Variants in DOCK4 observed in about 807,000 individuals in gnomAD.
DOCK4 encodes the protein dedicator of cytokinesis protein 4.
Under a neutral mutation model 268.1 loss-of-function variants are expected in DOCK4, and 97 were observed. The ratio of observed to expected loss-of-function variants is 0.36; its 90% CI spans 0.31 to 0.43. The LOEUF (loss-of-function observed/expected upper bound fraction) is 0.43, where lower values mean the gene tolerates loss of function less well. Among genes scored for constraint, DOCK4 ranks in the 20% least tolerant of loss-of-function variants. The pLI is 1.00. For missense variants in DOCK4, 2,145 were observed against 2,455.7 expected (o/e 0.87, Z 2.67); for synonymous variants, 954 against 887.2 (o/e 1.08, Z -1.34).
chr7:111,976,269 TTATATATATATA>T (rs60146972), intron 8 of DOCK4, among the ~76,000 whole-genome samples: 455 of 33,100 alleles, frequency 0.014, 10 homozygotes, highest in African/African-American at 0.039. Context: ...TGTGTGTCTA[TTATATATATATA>T]TATATATATA....
chr7:111,906,940 G>A (rs543973199), intron 13 of DOCK4, among the ~76,000 whole-genome samples: 2 of 152,210 alleles, frequency 1.3e-5, no homozygotes, highest in East Asian at 1.9e-4. Context: ...ACTGTAACAC[G>A]GTAAATGTAT....
At chr7:112,010,861 G>T (rs1212196129) in intron 1 of DOCK4, among the ~76,000 whole-genome samples, 1 of 152,174 alleles carries the variant, frequency 6.6e-6, no homozygotes, top group African/African-American at 2.4e-5. Flanking sequence ...ATATATTGCT[G>T]CCTTTGACTG....
At chr7:112,023,468 C>T (rs1379527927) in intron 1 of DOCK4, 4 of 338,700 alleles carry the variant, frequency 1.2e-5, no homozygotes, top group South Asian at 9.8e-5. Context: ...AGTTACACTT[C>T]CCATTATAAA....
At chr7:111,837,942 C>T (rs1354696201) in intron 25 of DOCK4, among the ~76,000 whole-genome samples, 7 of 151,550 alleles carry the variant, frequency 4.6e-5, no homozygotes, top group South Asian at 2.1e-4. Flanking sequence ...CAAAATTAGC[C>T]GGGTGTAGTG....
chr7:112,006,734 T>A lies in DOCK4; in HGVS notation c.38-2603A>T, dbSNP rs118040303. Among the ~76,000 whole-genome samples, 188 of 152,340 alleles carry A rather than the reference T, an allele frequency of 1.2e-3. 4 individuals are homozygous for A. In the East Asian group the frequency reaches 0.031, roughly 25 times the overall value. On this transcript the variant is annotated intron_variant, in intron 1 of 52. Transcript: ENST00000428084. The stretch of plus-strand genomic sequence containing the variant: ...CATGGCATAGTACTTACCAAAGAAC[T>A]CTGCCTCCAAACCAGCCTTGTCTGT...
intron 1 of DOCK4, among the ~76,000 whole-genome samples, chr7:112,102,849 T>A (rs1345530637): frequency 7.3e-6 from 1 of 136,354 alleles, no homozygotes; most frequent in Non-Finnish European, 1.7e-5. Flanking sequence ...AGTTAATATA[T>A]GCCAAACACT....
chr7:111,750,485 T>A (rs1181574654), intron 42 of DOCK4, among the ~76,000 whole-genome samples: 2 of 152,202 alleles, frequency 1.3e-5, no homozygotes, highest in African/African-American at 2.4e-5. Context: ...ATGGAATGTT[T>A]CATAATCGAC....
At chr7:111,810,178 G>A (rs1322168044) in intron 28 of DOCK4, among the ~76,000 whole-genome samples, 1 of 152,176 alleles carries the variant, frequency 6.6e-6, no homozygotes, top group Non-Finnish European at 1.5e-5. Flanking sequence ...AACAGTCCAG[G>A]TGCGGTGGCT....
In DOCK4 at chr7:111,741,597, C is replaced by G; in HGVS notation, c.4862G>C (p.Arg1621Thr). ...HFPNGSPRVCRNSAPASVSPD... is the reference protein window; with the variant it reads ...HFPNGSPRVCTNSAPASVSPD... ...GCTCACAGAAGCAGGTGCTGAGTTT[C>G]TACACACACGAGGGCTTCCATTAGG... is the stretch of plus-strand genomic sequence containing the variant. The change falls in exon 46 of 53, where the codon AGA (arginine) becomes ACA (threonine). Residue 1621 changes from arginine (R) to threonine (T), a missense_variant. Arg to Thr is a moderately conservative substitution (Grantham distance 71). This residue lies in a region of DOCK4 where 547 missense variants were observed against 469.0 expected (regional missense o/e 1.17). Coordinates refer to ENST00000428084, the MANE Select transcript of DOCK4 (RefSeq NM_001363540.2). The G allele has an allele frequency of 6.2e-7, 1 of 1,613,638 alleles. No individual in the cohort carries two copies. The highest frequency in any genetic ancestry group is 8.5e-7 in the Non-Finnish European group (1 of 1,179,760).
intron 26 of DOCK4, among the ~76,000 whole-genome samples, chr7:111,822,702 C>T (rs1449694665): frequency 2.6e-5 from 4 of 152,174 alleles, no homozygotes; most frequent in African/African-American, 9.7e-5. Flanking sequence ...TTTCTCTCCA[C>T]AGGTTCTAAC....
At chr7:112,162,507 TTCTTTCTC>T (rs1817219135) in intron 1 of DOCK4, among the ~76,000 whole-genome samples, 1 of 117,046 alleles carries the variant, frequency 8.5e-6, no homozygotes, top group South Asian at 2.4e-4. Flanking sequence ...GTCTGTCTCT[TTCTTTCTC>T]TCTCTCTCTC....
At position 111,758,761 on chromosome 7, in the gene DOCK4, G is replaced by A; in HGVS notation, c.4192C>T (p.Pro1398Ser). 1 of 1,613,876 alleles carries A rather than the reference G, an allele frequency of 6.2e-7. No individual in the cohort carries two copies. The highest frequency in any genetic ancestry group is 8.5e-7 in the Non-Finnish European group (1 of 1,179,832). The change falls in exon 41 of 53, where the codon CCA becomes TCA. Residue 1398 changes from proline to serine, a missense_variant. Transcript: ENST00000428084. ...CTCTGCAGGACCTCCTGGCTCTCTG[G>A]AATGGGAGTCACAGCATATATCTGC... ...YLQIYAVTPI[P>S]ESQEVLQREG...
At chr7:112,057,091 C>T (rs1805884494) in intron 1 of DOCK4, among the ~76,000 whole-genome samples, 1 of 151,980 alleles carries the variant, frequency 6.6e-6, no homozygotes, top group Admixed American at 6.6e-5. Context: ...ATCCCTGTAT[C>T]ACAAAGAATT....
intron 41 of DOCK4, among the ~76,000 whole-genome samples, chr7:111,757,929 C>A (rs1253211214): frequency 6.6e-6 from 1 of 152,122 alleles, no homozygotes; most frequent in East Asian, 1.9e-4. Context: ...AAGAAAGGGG[C>A]AGACTCTACT....
intron 1 of DOCK4, among the ~76,000 whole-genome samples, chr7:112,165,196 C>G (rs537073941): frequency 1.3e-5 from 2 of 152,052 alleles, no homozygotes; most frequent in Admixed American, 1.3e-4. Flanking sequence ...GTCACCAGAG[C>G]ACAGTACAGT....
chr7:111,907,167 T>A (rs1473020142), intron 13 of DOCK4, among the ~76,000 whole-genome samples: 1 of 152,164 alleles, frequency 6.6e-6, no homozygotes, highest in African/African-American at 2.4e-5. Context: ...TCACACAAGA[T>A]ACACTTGAGT....
chr7:112,076,154 T>C (rs1808049246), intron 1 of DOCK4, among the ~76,000 whole-genome samples: 1 of 152,170 alleles, frequency 6.6e-6, no homozygotes, highest in African/African-American at 2.4e-5. Context: ...AACTATTTTG[T>C]TGGAATCATT....
At chr7:111,996,805 A>T (rs944494209) in intron 4 of DOCK4, among the ~76,000 whole-genome samples, 5 of 152,200 alleles carry the variant, frequency 3.3e-5, no homozygotes, top group African/African-American at 1.2e-4. Flanking sequence ...ACCAGGATTT[A>T]AAAAAAGGAC....
chr7:112,077,030 A>C (rs1422820145), intron 1 of DOCK4, among the ~76,000 whole-genome samples: 2 of 152,144 alleles, frequency 1.3e-5, no homozygotes, highest in African/African-American at 4.8e-5. Context: ...TATTCAGTAT[A>C]AAGTCAAAAT....
Sources: gnomAD v4.1 joint callset for allele counts (sites outside exome capture counted in the v4.1 genomes callset) on GRCh38, gnomAD v4.1.1 for gene constraint, gnomAD v4.1.1 regional missense constraint, MANE v1.5 for transcripts, NCBI Gene and HGNC (gene_info 2026-07-23, HGNC 2026-07-21) for gene names.